Variants in OPRM1 observed in about 807,000 individuals in gnomAD.
OPRM1 encodes the protein opioid receptor mu 1.
In OPRM1, 27 loss-of-function variants were observed where a neutral mutation model predicts 31.8. The observed-to-expected ratio is 0.85, with a 90% CI of 0.63 to 1.17. The LOEUF (loss-of-function observed/expected upper bound fraction) is 1.17, where lower values mean the gene tolerates loss of function less well. OPRM1 is among the 50% of genes most tolerant of loss of function. The pLI, the probability that OPRM1 is intolerant of heterozygous loss-of-function variation, is 0.00. For synonymous variants in OPRM1, 196 were observed against 189.9 expected, an observed-to-expected ratio of 1.03 and a Z score of -0.26; for missense variants, 536 against 511.1, an observed-to-expected ratio of 1.05 and a Z score of -0.47.
At chr6:154,059,777 C>T (rs1459162511) in intron 1 of OPRM1, among the ~76,000 whole-genome samples, 2 of 152,150 alleles carry the variant, frequency 1.3e-5, no homozygotes, top group Non-Finnish European at 2.9e-5. Context: ...GTTAATGCTA[C>T]ATTTATTTCA....
At chr6:154,162,802 C>G (rs926406480) in intron 3 of OPRM1, among the ~76,000 whole-genome samples, 18 of 152,132 alleles carry the variant, frequency 1.2e-4, no homozygotes, top group Non-Finnish European at 2.5e-4. Context: ...TCCCTGGACT[C>G]CATCATCATT....
chr6:154,031,651 G>A (rs1479013511), intron 1 of OPRM1, among the ~76,000 whole-genome samples: 1 of 152,182 alleles, frequency 6.6e-6, no homozygotes, highest in African/African-American at 2.4e-5. Context: ...TGAGGCAAGA[G>A]AATCGCTTGA....
chr6:154,103,005 T>C (rs536419998), intron 3 of OPRM1, among the ~76,000 whole-genome samples: 1 of 151,616 alleles, frequency 6.6e-6, no homozygotes, highest in Admixed American at 6.6e-5. Context: ...CAAGCTTCTT[T>C]TAGAAAAAAA....
chr6:154,186,046 C>T (rs1801316770), intron 3 of OPRM1, among the ~76,000 whole-genome samples: 1 of 152,216 alleles, frequency 6.6e-6, no homozygotes, highest in African/African-American at 2.4e-5. Flanking sequence ...CAGCCCTGAC[C>T]TCTTCCTTCT....
intron 1 of OPRM1, among the ~76,000 whole-genome samples, chr6:154,019,808 ACTGCAGCCTCTC>A (rs1345139897): frequency 7.1e-6 from 1 of 140,230 alleles, no homozygotes; most frequent in Non-Finnish European, 1.5e-5. Context: ...AACATGGCTC[ACTGCAGCCTCTC>A]CTTTCCGGGC....
intron 3 of OPRM1, among the ~76,000 whole-genome samples, chr6:154,145,803 GAT>G (rs1370287036): frequency 2.0e-5 from 3 of 152,336 alleles, no homozygotes; most frequent in African/African-American, 7.2e-5. Flanking sequence ...AATGAACAGA[GAT>G]AGAAAACCCA....
chr6:154,081,959 G>T (rs138761536), intron 1 of OPRM1, among the ~76,000 whole-genome samples: 45 of 152,324 alleles, frequency 3.0e-4, no homozygotes, highest in African/African-American at 1.0e-3. Flanking sequence ...GCAAGCAATA[G>T]TTCCTTTCCT....
At chr6:154,185,041 G>A (rs1801214892) in intron 3 of OPRM1, among the ~76,000 whole-genome samples, 1 of 152,132 alleles carries the variant, frequency 6.6e-6, no homozygotes, top group Admixed American at 6.5e-5. Flanking sequence ...CTAAAGATTA[G>A]AGATTTCTGA....
In OPRM1 at chr6:154,039,638, G is replaced by C. The variant is rs1160067850; in HGVS notation, c.94G>C (p.Val32Leu). ...CCCAGCACCCAGCCCCGGTTCCTGG[G>C]TCAACTTGTCCCACTTAGATGGCAA... ...CSPAPSPGSW[V>L]NLSHLDGNLS... is the part of the protein sequence containing the mutation. The change falls in exon 1 of 4, where the codon GTC (valine) becomes CTC (leucine). Residue 32 changes from valine (V) to leucine (L), a missense_variant. Physicochemically the swap from Val to Leu is conservative, Grantham distance 32. Transcript: ENST00000330432. 4.3e-6 allele frequency: 7 copies of C among 1,613,744 alleles called. No homozygotes were observed. Among genetic ancestry groups the C allele is most frequent in the Admixed American group, 1.7e-5 (1 of 60,016 alleles).
chr6:154,212,095 G>C (rs1054333598), intron 3 of OPRM1, among the ~76,000 whole-genome samples: 3 of 152,144 alleles, frequency 2.0e-5, no homozygotes, highest in African/African-American at 7.2e-5. Context: ...CCTAGTACAT[G>C]GTAGGTATAA....
intron 3 of OPRM1, among the ~76,000 whole-genome samples, chr6:154,099,145 C>T (rs1010270647): frequency 6.6e-6 from 1 of 151,868 alleles, no homozygotes; most frequent in Admixed American, 6.6e-5. Context: ...AAAAGCCAGG[C>T]GCGGTGGCAT....
chr6:154,080,361 A>G (rs1040114447), intron 1 of OPRM1, among the ~76,000 whole-genome samples: 2 of 152,256 alleles, frequency 1.3e-5, no homozygotes, highest in African/African-American at 4.8e-5. Flanking sequence ...AAAAAGTTAT[A>G]GTCCATGAAT....
chr6:154,141,397 T>C (rs532330471), intron 3 of OPRM1, among the ~76,000 whole-genome samples: 2 of 152,326 alleles, frequency 1.3e-5, no homozygotes, highest in South Asian at 2.1e-4. Context: ...TTATTTCCTC[T>C]TGGAGGCCTT....
chr6:154,027,820 G>T (rs184480549), intron 1 of OPRM1, among the ~76,000 whole-genome samples: 3 of 152,264 alleles, frequency 2.0e-5, no homozygotes, highest in Non-Finnish European at 2.9e-5. Flanking sequence ...AGCCCCAAAG[G>T]CTCTTCAGTC....
intron 1 of OPRM1, among the ~76,000 whole-genome samples, chr6:154,016,330 A>G (rs1220802307): frequency 6.6e-6 from 1 of 152,218 alleles, no homozygotes; most frequent in Non-Finnish European, 1.5e-5. Context: ...AAACTATATT[A>G]AAGTAGCAGG....
In OPRM1 at chr6:154,039,509, A is replaced by G. The variant is rs535843430; in HGVS notation, c.-36A>G. On this transcript the variant is annotated 5_prime_UTR_variant, in exon 1 of 4. Transcript: ENST00000330432. ...CCGAAAAGTCTCGGTGCTCCTGGCT[A>G]CCTCGCACAGCGGTGCCCGCCCGGC... 6.3e-7 allele frequency: 1 copy of G among 1,585,626 alleles called. No individual in the cohort carries two copies. Among genetic ancestry groups the G allele is most frequent in the Non-Finnish European group, 8.6e-7 (1 of 1,165,932 alleles).
Position 154,131,619 on chromosome 6 carries a change from A to G in OPRM1, c.*12898A>G, listed in dbSNP as rs1211176220. 2.6e-5 allele frequency among the ~76,000 whole-genome samples: 4 copies of G among 152,228 alleles called. No individual in the cohort carries two copies. Among genetic ancestry groups the G allele is most frequent in the Non-Finnish European group, 5.9e-5 (4 of 68,030 alleles). ...ACCTAAACAGGACATAGAAATGTCA[A>G]CTGGTCATATTAAAATAAAAAAGTA... On this transcript the variant is annotated 3_prime_UTR_variant, in exon 4 of 4. Coordinates refer to ENST00000330432, the MANE Select transcript of OPRM1 (RefSeq NM_000914.5).
chr6:154,019,449 A>G (rs1778211827), intron 1 of OPRM1, among the ~76,000 whole-genome samples: 1 of 152,084 alleles, frequency 6.6e-6, no homozygotes, highest in South Asian at 2.1e-4. Flanking sequence ...TTGGTGTTGT[A>G]CATTCTATGG....
chr6:154,171,836 A>G (rs2128557472), intron 3 of OPRM1, among the ~76,000 whole-genome samples: 1 of 152,320 alleles, frequency 6.6e-6, no homozygotes, highest in Middle Eastern at 3.4e-3. Context: ...AAGACACAGT[A>G]ATTTTACATG....
Sources: allele counts gnomAD v4.1 joint callset (sites outside exome capture counted in the v4.1 genomes callset), GRCh38; gene constraint gnomAD v4.1.1; transcripts MANE v1.5; gene names NCBI Gene and HGNC (gene_info 2026-07-23, HGNC 2026-07-21).